Variants in ZNF287 observed in about 807,000 individuals in gnomAD.
The protein encoded by ZNF287 is zinc finger protein 287, also known as zinc finger protein with KRAB and SCAN domains 13.
ZNF287 carries 31 observed loss-of-function variants against 73.7 expected under a neutral mutation model. That is an observed-to-expected ratio of 0.42 (90% CI 0.32 to 0.57). ZNF287 has a LOEUF of 0.57. ZNF287 is among the 20% of genes least tolerant of loss of function. The pLI is 0.13. For missense variants in ZNF287, 641 were observed against 909.3 expected (o/e 0.70, Z 3.79); for synonymous variants, 301 against 307.2 (o/e 0.98, Z 0.21).
chr17:16,552,171 A>G lies in ZNF287; in HGVS notation c.1971T>C (p.Tyr657=), dbSNP rs572607933. The G allele has an allele frequency of 1.1e-5, 18 of 1,614,010 alleles. No homozygotes were observed. Among genetic ancestry groups the G allele is most frequent in the African/African-American group, 4.0e-5 (3 of 75,002 alleles). ...GCTGAGTAAGATTTGCGCCTTGTCT[A>G]TATGCTTTCCCACATATATTGCATT... is the stretch of plus-strand genomic sequence containing the variant. ...PFKCNICGKA[Y]RQGANLTQHQ... The change falls in exon 6 of 6, where the codon TAT becomes TAC. Residue 657 remains tyrosine (Y), a synonymous_variant. Coordinates refer to ENST00000395825, the MANE Select transcript of ZNF287 (RefSeq NM_020653.4). The surrounding 1 kb of genome is among the most constrained non-coding windows in gnomAD (Gnocchi z 6.5).
chr17:16,555,559 C>G (rs1349338899), intron 5 of ZNF287, among the ~76,000 whole-genome samples: 1 of 151,784 alleles, frequency 6.6e-6, no homozygotes, highest in Non-Finnish European at 1.5e-5. Flanking sequence ...AAGGAGAACT[C>G]AGATGAAAGC....
At chr17:16,561,801 C>T (rs1907465467) in intron 5 of ZNF287, among the ~76,000 whole-genome samples, 1 of 152,116 alleles carries the variant, frequency 6.6e-6, no homozygotes, top group East Asian at 1.9e-4. Context: ...AAGTAGAACA[C>T]GTGATTCCTG....
chr17:16,564,739 C>T (rs77231399), intron 3 of ZNF287, among the ~76,000 whole-genome samples: 3,980 of 152,174 alleles, frequency 0.026, 87 homozygotes, highest in Non-Finnish European at 0.033. Flanking sequence ...CTTGTTTGCT[C>T]CTTTTGTTAA....
intron 1 of ZNF287, among the ~76,000 whole-genome samples, chr17:16,568,272 G>A (rs1026071977): frequency 6.6e-6 from 1 of 151,934 alleles, no homozygotes; most frequent in Non-Finnish European, 1.5e-5. Flanking sequence ...ATGACTGAAC[G>A]GACTCTCAAC....
chr17:16,567,739 G>A lies in ZNF287; in HGVS notation c.-8C>T. ...CTTGCTTGAGGCTAACATTGCTACA[G>A]ACAGGAGAGTCAATCTGGCAATATC... On this transcript the variant is annotated 5_prime_UTR_variant, in exon 2 of 6. Transcript: ENST00000395825. 6.3e-7 allele frequency: 1 copy of A among 1,598,950 alleles called. No homozygotes were observed. The highest frequency in any genetic ancestry group is 8.5e-7 in the Non-Finnish European group (1 of 1,172,104).
chr17:16,559,572 A>AACACACACACACACACACAC lies in ZNF287; in HGVS notation c.715+3554_715+3573dup, dbSNP rs148356389. Among the ~76,000 whole-genome samples the AACACACACACACACACACAC allele has an allele frequency of 4.9e-3, 721 of 147,440 alleles. 8 individuals are homozygous for AACACACACACACACACACAC. The highest frequency in any genetic ancestry group is 0.017 in the African/African-American group (686 of 39,698). On this transcript the variant is annotated intron_variant, in intron 5 of 5. Transcript: ENST00000395825. ...TATGAACTCCTGACTTAAAAGAACT[A>AACACACACACACACACACAC]ACACACACACACACACACACACACA...
intron 5 of ZNF287, among the ~76,000 whole-genome samples, chr17:16,561,900 G>A (rs1211877289): frequency 6.6e-6 from 1 of 152,196 alleles, no homozygotes; most frequent in Non-Finnish European, 1.5e-5. Context: ...TACATTTGAT[G>A]ACACTATTAT....
rs148664696 is a variant in ZNF287 at position 16,548,018 on chromosome 17, G to A, written c.*3838C>T. ...AATAATTGCTGACTGTGCCTCTAGTGCATTCCTAGTTGATGAGGGAACATT... is the reference window on the plus strand; with the variant it reads ...AATAATTGCTGACTGTGCCTCTAGTACATTCCTAGTTGATGAGGGAACATT... On this transcript the variant is annotated 3_prime_UTR_variant, in exon 6 of 6. Coordinates refer to ENST00000395825, the MANE Select transcript of ZNF287 (RefSeq NM_020653.4). Among the ~76,000 whole-genome samples, 3 of 152,308 alleles carry A rather than the reference G, an allele frequency of 2.0e-5. No individual in the cohort carries two copies. In the East Asian group the frequency reaches 5.8e-4, roughly 29 times the overall value.
chr17:16,556,817 T>C (rs988940970), intron 5 of ZNF287, among the ~76,000 whole-genome samples: 1 of 152,096 alleles, frequency 6.6e-6, no homozygotes, highest in Admixed American at 6.6e-5. Context: ...CAAGGCTGAA[T>C]AGTGATCATG....
At chr17:16,560,962 C>G (rs1018278808) in intron 5 of ZNF287, among the ~76,000 whole-genome samples, 1 of 150,896 alleles carries the variant, frequency 6.6e-6, no homozygotes, top group Non-Finnish European at 1.5e-5. Context: ...AAGGTCCCCC[C>G]ACTGCACTCC....
In ZNF287 at chr17:16,552,442, T is replaced by C; in HGVS notation, c.1700A>G (p.Asn567Ser). Residue 567 changes from asparagine to serine, a missense_variant, in exon 6 of 6, where the codon AAT (asparagine) becomes AGT (serine). Physicochemically the swap from Asn to Ser is conservative, Grantham distance 46. Coordinates refer to ENST00000395825, the MANE Select transcript of ZNF287 (RefSeq NM_020653.4). The surrounding 1 kb of genome is among the most constrained non-coding windows in gnomAD (Gnocchi z 6.5). ...IHSGEKCYKC[N>S]ECGKAFAHSS... Reference sequence around the variant, plus strand: ...ATGAGCAAAGGCTTTTCCACATTCATTACATTTATAACACTTCTCTCCAGA... The same window carrying C: ...ATGAGCAAAGGCTTTTCCACATTCACTACATTTATAACACTTCTCTCCAGA... 6.2e-7 allele frequency: 1 copy of C among 1,614,130 alleles called. No individual in the cohort carries two copies. Among genetic ancestry groups the C allele is most frequent in the Non-Finnish European group, 8.5e-7 (1 of 1,179,984 alleles).
intron 5 of ZNF287, among the ~76,000 whole-genome samples, chr17:16,559,941 C>CATAT (rs141118395): frequency 6.7e-6 from 1 of 150,254 alleles, no homozygotes; most frequent in South Asian, 2.1e-4. Context: ...CATACACATC[C>CATAT]ATATATATAT....
At position 16,564,180 on chromosome 17, in the gene ZNF287, T is replaced by G. The variant is rs575299782; in HGVS notation, c.502-355A>C. On this transcript the variant is annotated intron_variant, in intron 3 of 5. Transcript: ENST00000395825. ...AGTGCATGCATTGCTGGCAGCTCCA[T>G]TTTTAAAAGGAAAAGGTTTATTATC... Among the ~76,000 whole-genome samples, 5 of 152,290 alleles carry G rather than the reference T, an allele frequency of 3.3e-5. No homozygotes were observed. In the East Asian group the frequency reaches 9.6e-4, roughly 29 times the overall value.
rs898520981 is a variant in ZNF287 at position 16,549,875 on chromosome 17, C to A, written c.*1981G>T. ...AGTAAATGTTATTTGTTGAACATTT[C>A]TTTGATATATGCACAAAAATATTTT... is the stretch of plus-strand genomic sequence containing the variant. On this transcript the variant is annotated 3_prime_UTR_variant, in exon 6 of 6. Transcript: ENST00000395825. Among the ~76,000 whole-genome samples the A allele has an allele frequency of 6.6e-6, 1 of 152,158 alleles. No homozygotes were observed. The highest frequency in any genetic ancestry group is 2.4e-5 in the African/African-American group (1 of 41,440).
chr17:16,565,905 T>C (rs557770115), intron 3 of ZNF287, among the ~76,000 whole-genome samples: 9 of 152,216 alleles, frequency 5.9e-5, no homozygotes, highest in African/African-American at 1.7e-4. Flanking sequence ...GAGAATCACT[T>C]GAACCCAGGA....
rs1597460410 is a variant in ZNF287, at chr17:16,549,371, A to G, written c.*2485T>C. ...CATAAAACATACAAAGGCAGGAAAT[A>G]ACAGAGTAATGCAAAGGAAGGCGCT... On this transcript the variant is annotated 3_prime_UTR_variant, in exon 6 of 6. Coordinates refer to ENST00000395825, the MANE Select transcript of ZNF287 (RefSeq NM_020653.4). Among the ~76,000 whole-genome samples the G allele has an allele frequency of 8.4e-6, 1 of 119,524 alleles. No homozygotes were observed. Among genetic ancestry groups the G allele is most frequent in the African/African-American group, 5.1e-5 (1 of 19,594 alleles). 78.4% of individuals were successfully genotyped at this position (119,524 alleles called of 152,430 possible). A position where few individuals can be genotyped will look rare whatever the true frequency, so the allele number is the denominator to read the frequency against.
At chr17:16,559,451 G>T (rs2142480801) in intron 5 of ZNF287, among the ~76,000 whole-genome samples, 1 of 152,186 alleles carries the variant, frequency 6.6e-6, no homozygotes, top group Admixed American at 6.5e-5. Context: ...TTGGAAACCA[G>T]GTTATTCACT....
chr17:16,552,310 T>C lies in ZNF287; in HGVS notation c.1832A>G (p.His611Arg), dbSNP rs1285075091. Residue 611 changes from histidine to arginine, a missense_variant, in exon 6 of 6, where the codon CAT becomes CGT. Coordinates refer to ENST00000395825, the MANE Select transcript of ZNF287 (RefSeq NM_020653.4). This position sits in a 1 kb window ranked among gnomAD's most constrained non-coding sequence, Gnocchi z 6.5. ...TGGTTTCTCTCCAGTATGTGTTCTA[T>C]GATGTTGAGTAAGATTTGCACTCTG... The part of the protein sequence containing the change: ...FSQSANLTQH[H>R]RTHTGEKPYK... 7 of 1,614,038 alleles carry C rather than the reference T, an allele frequency of 4.3e-6. No individual in the cohort carries two copies. Among genetic ancestry groups the C allele is most frequent in the Admixed American group, 1.7e-5 (1 of 60,026 alleles).
Position 16,552,526 on chromosome 17 carries a change from T to C in ZNF287, c.1616A>G (p.Asn539Ser), listed in dbSNP as rs1471829017. ...IHTGKKPYKCNECWKVFSQST... is the reference protein window; with the variant it reads ...IHTGKKPYKCSECWKVFSQST... ...CTGACTAAACACTTTCCAACATTCA[T>C]TGCATTTATATGGTTTCTTCCCAGT... is the stretch of plus-strand genomic sequence containing the variant. Residue 539 changes from asparagine (N) to serine (S), a missense_variant, in exon 6 of 6, where the codon AAT becomes AGT. This residue lies in a region of ZNF287 where 284 missense variants were observed against 466.8 expected (regional missense o/e 0.61). Coordinates refer to ENST00000395825, the MANE Select transcript of ZNF287 (RefSeq NM_020653.4). This position sits in a 1 kb window ranked among gnomAD's most constrained non-coding sequence, Gnocchi z 6.5. 1.9e-6 allele frequency: 3 copies of C among 1,614,130 alleles called. No individual in the cohort carries two copies. The highest frequency in any genetic ancestry group is 1.7e-5 in the Admixed American group (1 of 60,020).
Sources: allele counts gnomAD v4.1 joint callset (sites outside exome capture counted in the v4.1 genomes callset), GRCh38; gene constraint gnomAD v4.1.1; regional missense constraint gnomAD v4.1.1; non-coding constraint Gnocchi (gnomAD v3.1); transcripts MANE v1.5; gene names NCBI Gene and HGNC (gene_info 2026-07-23, HGNC 2026-07-21).